The following SETBP1 variants were observed in gnomAD, a reference collection of about 807,000 sequenced individuals.
SETBP1 encodes the protein SET binding protein 1, also known as SET-binding protein.
SETBP1 carries 9 observed loss-of-function variants against 101.0 expected under a neutral mutation model. That is an observed-to-expected ratio of 0.09 (90% CI 0.05 to 0.16). SETBP1 has a LOEUF of 0.16. SETBP1 is among the 10% of genes least tolerant of loss of function. The probability of loss-of-function intolerance (pLI) is 1.00; values close to 1 mark genes in which losing one functional copy is unlikely to be tolerated. For missense variants in SETBP1, 1,858 were observed against 2,033.8 expected, an observed-to-expected ratio of 0.91 and a Z score of 1.66; for synonymous variants, 818 against 788.5, an observed-to-expected ratio of 1.04 and a Z score of -0.63.
intron 2 of SETBP1, among the ~76,000 whole-genome samples, chr18:44,863,775 C>G (rs965535634): frequency 1.3e-5 from 2 of 152,182 alleles, no homozygotes; most frequent in African/African-American, 4.8e-5. Flanking sequence ...ACCTAGCTAC[C>G]TATGCATCAA....
intron 4 of SETBP1, among the ~76,000 whole-genome samples, chr18:45,003,073 C>T (rs1475314080): frequency 2.6e-5 from 4 of 152,192 alleles, no homozygotes; most frequent in South Asian, 4.1e-4. Flanking sequence ...CATCACATTC[C>T]ACAAAGCTGC....
intron 4 of SETBP1, among the ~76,000 whole-genome samples, chr18:44,981,640 G>A (rs2072115041): frequency 1.3e-5 from 2 of 152,194 alleles, no homozygotes; most frequent in Admixed American, 6.5e-5. Context: ...TTTGCCCTGA[G>A]ACTACTGGCT....
intron 3 of SETBP1, among the ~76,000 whole-genome samples, chr18:44,909,811 A>G (rs1482358379): frequency 1.3e-5 from 2 of 152,228 alleles, no homozygotes; most frequent in African/African-American, 4.8e-5. Flanking sequence ...TCCGAGACGT[A>G]CCATGCTATA....
chr18:44,783,527 G>A (rs1303282894), intron 2 of SETBP1, among the ~76,000 whole-genome samples: 3 of 152,182 alleles, frequency 2.0e-5, no homozygotes, highest in Non-Finnish European at 4.4e-5. Flanking sequence ...CCTTATCCAA[G>A]GTAATGGTAA....
chr18:44,854,236 A>G (rs1380266539), intron 2 of SETBP1, among the ~76,000 whole-genome samples: 1 of 152,054 alleles, frequency 6.6e-6, no homozygotes, highest in Admixed American at 6.6e-5. Context: ...CAAGCAGATG[A>G]GAGGGGGAAA....
intron 3 of SETBP1, among the ~76,000 whole-genome samples, chr18:44,903,850 T>A (rs749415575): frequency 5.9e-5 from 9 of 152,220 alleles, no homozygotes; most frequent in Non-Finnish European, 8.8e-5. Flanking sequence ...TCATCTCCTT[T>A]CTGGGAACTC....
intron 2 of SETBP1, among the ~76,000 whole-genome samples, chr18:44,764,956 GT>G (rs2070735304): frequency 1.3e-5 from 2 of 152,310 alleles, no homozygotes; most frequent in Admixed American, 1.3e-4. Context: ...CAGAGTGCAT[GT>G]TCAACAAATA....
chr18:44,966,626 T>C (rs963145288), intron 4 of SETBP1, among the ~76,000 whole-genome samples: 3 of 152,210 alleles, frequency 2.0e-5, no homozygotes, highest in Non-Finnish European at 4.4e-5. Context: ...AGGATGGTGC[T>C]GAGCACAGAT....
At chr18:45,056,430 G>A (rs1449490119) in intron 5 of SETBP1, among the ~76,000 whole-genome samples, 2 of 152,204 alleles carry the variant, frequency 1.3e-5, no homozygotes. Flanking sequence ...CCTGTCATCT[G>A]ATGGGCAGCG....
At chr18:44,973,501 A>C (rs1341081455) in intron 4 of SETBP1, among the ~76,000 whole-genome samples, 1 of 152,188 alleles carries the variant, frequency 6.6e-6, no homozygotes, top group Non-Finnish European at 1.5e-5. Context: ...AGTGAGAGAG[A>C]TGCTCTTAGA....
At chr18:44,880,574 T>C (rs2144734652) in intron 3 of SETBP1, among the ~76,000 whole-genome samples, 1 of 152,330 alleles carries the variant, frequency 6.6e-6, no homozygotes, top group South Asian at 2.1e-4. Context: ...TGGCTAATGG[T>C]TCTGCAGGTT....
intron 4 of SETBP1, among the ~76,000 whole-genome samples, chr18:45,034,444 G>A (rs569964221): frequency 3.3e-5 from 5 of 152,218 alleles, no homozygotes; most frequent in East Asian, 1.9e-4. Flanking sequence ...GCAGGTAGAG[G>A]TTTGAGGGGA....
chr18:44,986,896 T>TACTATAGTA (rs1277866464), intron 4 of SETBP1: 2 of 143,710 alleles, frequency 1.4e-5, no homozygotes, highest in Non-Finnish European at 3.0e-5. Context: ...ATAACAATAG[T>TACTATAGTA]TAGTATAGTA....
At chr18:44,872,947 CT>C (rs1433833335) in intron 3 of SETBP1, among the ~76,000 whole-genome samples, 1 of 152,232 alleles carries the variant, frequency 6.6e-6, no homozygotes, top group Non-Finnish European at 1.5e-5. Context: ...GAATAGGATA[CT>C]TCCTTTAGGC....
intron 4 of SETBP1, among the ~76,000 whole-genome samples, chr18:45,018,013 C>T (rs7230240): frequency 0.37 from 56,699 of 151,872 alleles, 11,395 homozygotes; most frequent in East Asian, 0.53. Context: ...CTTCTGGGAG[C>T]CTCAGTTTCC....
At position 44,855,526 on chromosome 18, in the gene SETBP1, G is replaced by C. The variant is rs183596635; in HGVS notation, c.487-13704G>C. Reference sequence around the variant, plus strand: ...TCCAGACTAGTTGATGTCTTAAGTGGACGGGCTGATGAACACACCAGTGGT... The same window carrying C: ...TCCAGACTAGTTGATGTCTTAAGTGCACGGGCTGATGAACACACCAGTGGT... On this transcript the variant is annotated intron_variant, in intron 2 of 5. Coordinates refer to ENST00000649279, the MANE Select transcript of SETBP1 (RefSeq NM_015559.3). 3.2e-3 allele frequency among the ~76,000 whole-genome samples: 484 copies of C among 152,302 alleles called. 1 individual carries two copies. Among genetic ancestry groups the C allele is most frequent in the Non-Finnish European group, 3.1e-3 (213 of 68,024 alleles).
chr18:45,063,133 G>T lies in SETBP1; in HGVS notation c.4226G>T (p.Cys1409Phe). 2 of 1,613,976 alleles carry T rather than the reference G, an allele frequency of 1.2e-6. No homozygotes were observed. The highest frequency in any genetic ancestry group is 1.7e-6 in the Non-Finnish European group (2 of 1,180,000). Reference sequence around the variant, plus strand: ...CGGCGGGAGATCGAAGCCATCCAGTGCGAAGTGCGGAAGATGTGCAACTAC... The same window carrying T: ...CGGCGGGAGATCGAAGCCATCCAGTTCGAAGTGCGGAAGATGTGCAACTAC... ...FKRREIEAIQ[C>F]EVRKMCNYTK... is the part of the protein sequence containing the mutation. The change falls in exon 6 of 6, where the codon TGC (cysteine) becomes TTC (phenylalanine). Residue 1409 changes from cysteine to phenylalanine, a missense_variant. This residue lies in a region of SETBP1 where 417 missense variants were observed against 389.1 expected (regional missense o/e 1.07). Transcript: ENST00000649279.
At chr18:44,742,268 G>T (rs1004204534) in intron 2 of SETBP1, among the ~76,000 whole-genome samples, 2 of 152,286 alleles carry the variant, frequency 1.3e-5, no homozygotes, top group African/African-American at 4.8e-5. Context: ...TCTCAGCCCC[G>T]CACCCCGGTC....
chr18:44,933,751 G>T (rs111531221), intron 3 of SETBP1, among the ~76,000 whole-genome samples: 18,523 of 152,218 alleles, frequency 0.12, 1,371 homozygotes, highest in East Asian at 0.31. Flanking sequence ...CTCCGAGCCA[G>T]GCACGGGATA....
Sources: gnomAD v4.1 joint callset for allele counts (sites outside exome capture counted in the v4.1 genomes callset) on GRCh38, gnomAD v4.1.1 for gene constraint, gnomAD v4.1.1 regional missense constraint, MANE v1.5 for transcripts, NCBI Gene and HGNC (gene_info 2026-07-23, HGNC 2026-07-21) for gene names.